The following CSGALNACT1 variants were observed in gnomAD, a reference collection of about 807,000 sequenced individuals.
CSGALNACT1 encodes the protein beta4GalNAcT-1.
A neutral mutation model predicts 51.0 loss-of-function variants in CSGALNACT1; 52 were observed. The observed-to-expected ratio is 1.02, with a 90% CI of 0.82 to 1.29. The LOEUF is 1.29. Ranked by LOEUF, CSGALNACT1 falls within the 50% of genes most tolerant of loss-of-function variation. The pLI is 0.00. For synonymous variants in CSGALNACT1, 341 were observed against 254.4 expected (o/e 1.34, Z -3.24); for missense variants, 935 against 679.2 (o/e 1.38, Z -4.19).
chr8:19,503,781 T>TG (rs11385991), intron 4 of CSGALNACT1, among the ~76,000 whole-genome samples: 6,091 of 134,460 alleles, frequency 0.045, 394 homozygotes, highest in African/African-American at 0.15. Context: ...TATGAATGAG[T>TG]TTTTTTTTTT....
At position 19,625,508 on chromosome 8, in the gene CSGALNACT1, G is replaced by A. The variant is rs929100732; in HGVS notation, c.-543-23643C>T. 3.3e-5 allele frequency among the ~76,000 whole-genome samples: 5 copies of A among 152,138 alleles called. No homozygotes were observed. In the East Asian group the frequency reaches 7.7e-4, roughly 23 times the overall value. ...TTTATCATCCCAGGTTTCTCAAAAG[G>A]TGGCCCACAGCTCACTTCTATCACA... On this transcript the variant is annotated intron_variant, in intron 1 of 9. Transcript: ENST00000332246.
At chr8:19,549,438 T>G (rs1162187121) in intron 3 of CSGALNACT1, among the ~76,000 whole-genome samples, 2 of 152,106 alleles carry the variant, frequency 1.3e-5, no homozygotes, top group Non-Finnish European at 2.9e-5. Context: ...TTCCCCACAC[T>G]CTAACACAGA....
intron 3 of CSGALNACT1, among the ~76,000 whole-genome samples, chr8:19,546,801 C>T (rs2086584126): frequency 6.6e-6 from 1 of 152,204 alleles, no homozygotes; most frequent in Non-Finnish European, 1.5e-5. Flanking sequence ...AGGAAGGCTC[C>T]TCTTTACAGA....
intron 3 of CSGALNACT1, among the ~76,000 whole-genome samples, chr8:19,527,018 C>G (rs2081854702): frequency 6.6e-6 from 1 of 152,172 alleles, no homozygotes; most frequent in South Asian, 2.1e-4. Context: ...ATCTACCCAC[C>G]TATCTATATC....
chr8:19,721,715 C>A (rs1304460832), intron 1 of CSGALNACT1, among the ~76,000 whole-genome samples: 1 of 152,188 alleles, frequency 6.6e-6, no homozygotes, highest in African/African-American at 2.4e-5. Context: ...CTCATCATAT[C>A]ACATACTTGA....
chr8:19,718,381 C>T (rs769249368), intron 1 of CSGALNACT1, among the ~76,000 whole-genome samples: 3 of 152,258 alleles, frequency 2.0e-5, no homozygotes, highest in Non-Finnish European at 4.4e-5. Flanking sequence ...AGTTTACAGG[C>T]GTGAGCCACC....
At chr8:19,585,464 T>G (rs1248613544) in intron 3 of CSGALNACT1, 1 of 152,250 alleles carries the variant, frequency 6.6e-6, no homozygotes, top group African/African-American at 2.4e-5. Context: ...TTTCCACAAG[T>G]GATGAGACAA....
At chr8:19,657,730 C>A (rs1019360572) in intron 1 of CSGALNACT1, among the ~76,000 whole-genome samples, 1 of 152,122 alleles carries the variant, frequency 6.6e-6, no homozygotes, top group Non-Finnish European at 1.5e-5. Flanking sequence ...TGTTGTAAGA[C>A]CCTGGGGCAA....
intron 1 of CSGALNACT1, among the ~76,000 whole-genome samples, chr8:19,663,894 G>A (rs1365578712): frequency 6.6e-6 from 1 of 152,172 alleles, no homozygotes; most frequent in African/African-American, 2.4e-5. Flanking sequence ...CTTCAGATGT[G>A]GGTTCAGATG....
At chr8:19,610,144 G>A (rs2052012029) in intron 1 of CSGALNACT1, among the ~76,000 whole-genome samples, 1 of 151,496 alleles carries the variant, frequency 6.6e-6, no homozygotes, top group Non-Finnish European at 1.5e-5. Flanking sequence ...ACAAAAATTA[G>A]CCAGGCGTGG....
intron 5 of CSGALNACT1, among the ~76,000 whole-genome samples, chr8:19,449,119 T>C (rs1201246520): frequency 6.6e-6 from 1 of 152,200 alleles, no homozygotes; most frequent in East Asian, 1.9e-4. Flanking sequence ...GGGACCTATT[T>C]TCCTGACTGT....
intron 5 of CSGALNACT1, among the ~76,000 whole-genome samples, chr8:19,449,915 A>G (rs1020031235): frequency 6.6e-6 from 1 of 151,652 alleles, no homozygotes; most frequent in African/African-American, 2.4e-5. Context: ...TAGCTTTGTT[A>G]TTATGAAGTT....
chr8:19,503,642 T>G (rs965812185), intron 4 of CSGALNACT1, among the ~76,000 whole-genome samples: 1 of 152,176 alleles, frequency 6.6e-6, no homozygotes, highest in Admixed American at 6.5e-5. Flanking sequence ...GGAAATGCTT[T>G]ATAAACTGTA....
Position 19,531,302 on chromosome 8 carries a change from G to C in CSGALNACT1, c.-296-25172C>G, listed in dbSNP as rs560718980. ...CAGTCTGCCAGAATTTTCACTCATA[G>C]CTCCACATAATTTAAAAAGTCAATG... On this transcript the variant is annotated intron_variant, in intron 3 of 9. Coordinates refer to ENST00000454498, the Ensembl canonical transcript of CSGALNACT1. Among the ~76,000 whole-genome samples the C allele has an allele frequency of 3.3e-5, 5 of 152,210 alleles. 1 individual carries two copies. The East Asian group carries it at 9.7e-4, about 29-fold the overall frequency.
intron 5 of CSGALNACT1, chr8:19,457,787 G>C (rs549618702): frequency 6.7e-6 from 9 of 1,351,468 alleles, no homozygotes; most frequent in Non-Finnish European, 8.8e-6. Context: ...AGGGCTTAAA[G>C]GCACACATCT....
At chr8:19,689,798 G>C (rs977022065) in intron 1 of CSGALNACT1, among the ~76,000 whole-genome samples, 4 of 152,174 alleles carry the variant, frequency 2.6e-5, no homozygotes, top group African/African-American at 9.7e-5. Flanking sequence ...TCCCCAAACA[G>C]CAAGTTTTAG....
At chr8:19,512,302 C>T (rs923058831) in intron 3 of CSGALNACT1, among the ~76,000 whole-genome samples, 4 of 152,168 alleles carry the variant, frequency 2.6e-5, no homozygotes, top group East Asian at 1.9e-4. Context: ...CTTGAAAATG[C>T]GTTCTGCAGC....
chr8:19,419,154 C>T (rs1158423955), intron 7 of CSGALNACT1, among the ~76,000 whole-genome samples: 1 of 152,174 alleles, frequency 6.6e-6, no homozygotes, highest in African/African-American at 2.4e-5. Context: ...CCTGCAGCCA[C>T]TTTTCCTTTT....
At chr8:19,488,703 T>C (rs1289662334) in intron 4 of CSGALNACT1, among the ~76,000 whole-genome samples, 1 of 152,118 alleles carries the variant, frequency 6.6e-6, no homozygotes, top group Non-Finnish European at 1.5e-5. Flanking sequence ...GGCCAGGCAC[T>C]GCTATAATGA....
Sources: gnomAD v4.1 joint callset for allele counts (sites outside exome capture counted in the v4.1 genomes callset) on GRCh38, gnomAD v4.1.1 for gene constraint, MANE v1.5 for transcripts, NCBI Gene and HGNC (gene_info 2026-07-23, HGNC 2026-07-21) for gene names.